EYS: variants seen among roughly 807,000 people sequenced by gnomAD.
EYS encodes protein eyes shut homolog.
EYS carries 250 observed loss-of-function variants against 282.1 expected under a neutral mutation model. The observed-to-expected ratio is 0.89, with a 90% CI of 0.80 to 0.98. The LOEUF is 0.98. Among genes scored for constraint, EYS ranks in the 50% least tolerant of loss-of-function variants. The pLI is 0.00. For synonymous variants in EYS, 1,355 were observed against 1,282.9 expected, an observed-to-expected ratio of 1.06 and a Z score of -1.20; for missense variants, 4,016 against 3,709.0, an observed-to-expected ratio of 1.08 and a Z score of -2.15.
chr6:63,921,251 G>A (rs1283654508), intron 35 of EYS, among the ~76,000 whole-genome samples: 2 of 152,196 alleles, frequency 1.3e-5, no homozygotes, highest in East Asian at 3.9e-4. Flanking sequence ...CTGTGTGACT[G>A]TGGAGGGCAC....
intron 37 of EYS, among the ~76,000 whole-genome samples, chr6:63,789,657 C>A (rs1303979025): frequency 1.3e-5 from 2 of 152,186 alleles, no homozygotes; most frequent in Non-Finnish European, 2.9e-5. Flanking sequence ...GGATAAAGAC[C>A]AATTTATTCC....
intron 35 of EYS, among the ~76,000 whole-genome samples, chr6:63,932,931 C>T (rs1158485920): frequency 6.6e-6 from 1 of 152,254 alleles, no homozygotes; most frequent in African/African-American, 2.4e-5. Flanking sequence ...GACCAATTGG[C>T]TATAAATCAG....
chr6:64,815,862 CA>C (rs1375924555), intron 21 of EYS, among the ~76,000 whole-genome samples: 1 of 151,944 alleles, frequency 6.6e-6, no homozygotes, highest in African/African-American at 2.4e-5. Context: ...AGGAACAGGG[CA>C]GTGATATATT....
intron 19 of EYS, among the ~76,000 whole-genome samples, chr6:64,843,188 G>A (rs758767174): frequency 2.4e-4 from 36 of 152,260 alleles, no homozygotes; most frequent in Middle Eastern, 3.4e-3. Flanking sequence ...CAGTGACAGC[G>A]CCCTCAGAGA....
At chr6:64,554,551 C>T (rs1011185190) in intron 26 of EYS, among the ~76,000 whole-genome samples, 1 of 151,860 alleles carries the variant, frequency 6.6e-6, no homozygotes, top group Non-Finnish European at 1.5e-5. Context: ...GAAACATAAA[C>T]ATAAATGGAA....
chr6:63,878,051 C>CTCTG (rs1263929732), intron 35 of EYS, among the ~76,000 whole-genome samples: 1 of 152,204 alleles, frequency 6.6e-6, no homozygotes, highest in Non-Finnish European at 1.5e-5. Flanking sequence ...AGAAGAGGCA[C>CTCTG]TCTGACTTTT....
intron 31 of EYS, among the ~76,000 whole-genome samples, chr6:64,095,738 C>A (rs1200717858): frequency 1.3e-5 from 2 of 152,260 alleles, no homozygotes; most frequent in Non-Finnish European, 2.9e-5. Context: ...TTAATTGGAG[C>A]ATTTAGCCTA....
chr6:63,829,263 G>T (rs1771557758), intron 36 of EYS, among the ~76,000 whole-genome samples: 1 of 152,176 alleles, frequency 6.6e-6, no homozygotes, highest in African/African-American at 2.4e-5. Context: ...GCAAGGTGGG[G>T]TATCACCTCA....
At chr6:64,261,789 T>G (rs1247473207) in intron 30 of EYS, among the ~76,000 whole-genome samples, 2 of 15,340 alleles carry the variant, frequency 1.3e-4, no homozygotes, top group Admixed American at 6.0e-4. Flanking sequence ...GTTATTTTGT[T>G]TTTTTTTTTT....
intron 31 of EYS, among the ~76,000 whole-genome samples, chr6:64,193,719 C>T (rs1325950354): frequency 1.3e-5 from 2 of 152,042 alleles, no homozygotes; most frequent in Non-Finnish European, 2.9e-5. Context: ...TCTCATTGTT[C>T]AGTTCCCACC....
chr6:64,909,625 C>A (rs755090879), intron 16 of EYS, among the ~76,000 whole-genome samples: 2 of 152,104 alleles, frequency 1.3e-5, no homozygotes, highest in South Asian at 4.2e-4. Flanking sequence ...AATTAATCAC[C>A]GCAGTTTTAG....
chr6:64,773,710 ATC>A (rs1773593643), intron 22 of EYS, among the ~76,000 whole-genome samples: 1 of 152,016 alleles, frequency 6.6e-6, no homozygotes, highest in Non-Finnish European at 1.5e-5. Context: ...TTTGATTTGC[ATC>A]TCTCTAATGA....
chr6:63,878,902 A>G (rs546055753), intron 35 of EYS, among the ~76,000 whole-genome samples: 2 of 152,258 alleles, frequency 1.3e-5, no homozygotes, highest in East Asian at 3.9e-4. Flanking sequence ...AGGAAAGGGA[A>G]TTCCCCGACT....
intron 13 of EYS, among the ~76,000 whole-genome samples, chr6:65,026,405 C>A (rs962420934): frequency 2.6e-5 from 4 of 152,022 alleles, no homozygotes; most frequent in African/African-American, 9.7e-5. Flanking sequence ...GAAGGAAATG[C>A]ATTCCAGGCC....
rs1331751344 is a variant in EYS, at chr6:63,726,524, T to G, written c.8228A>C (p.Gln2743Pro). The change falls in exon 42 of 43, where the codon CAA becomes CCA. Residue 2743 changes from glutamine (Q) to proline (P), a missense_variant. Transcript: ENST00000503581. Reference sequence around the variant, plus strand: ...AAACAGCCTGCCAATCTTACCTGATTGGGCTTTTAAGTGTTGTGCAGCATA... The same window carrying G: ...AAACAGCCTGCCAATCTTACCTGATGGGGCTTTTAAGTGTTGTGCAGCATA... Reference protein sequence around the residue: ...LFYAAQHLKAQSGDFLCISLV... With the variant: ...LFYAAQHLKAPSGDFLCISLV... The G allele has an allele frequency of 6.5e-7, 1 of 1,548,708 alleles. No homozygotes were observed. Among genetic ancestry groups the G allele is most frequent in the Non-Finnish European group, 8.7e-7 (1 of 1,145,754 alleles).
chr6:63,887,435 C>G (rs1773291663), intron 35 of EYS, among the ~76,000 whole-genome samples: 1 of 146,910 alleles, frequency 6.8e-6, no homozygotes, highest in African/African-American at 2.5e-5. Context: ...CCAGTGATTT[C>G]TGCATTTCCA....
intron 31 of EYS, among the ~76,000 whole-genome samples, chr6:64,207,364 C>T (rs1464697993): frequency 9.2e-5 from 14 of 152,002 alleles, no homozygotes; most frequent in Admixed American, 5.2e-4. Context: ...GGCTCCAGAA[C>T]GAGGAGCCCA....
chr6:65,474,151 T>C (rs1765315644), intron 5 of EYS, among the ~76,000 whole-genome samples: 2 of 152,210 alleles, frequency 1.3e-5, no homozygotes, highest in Admixed American at 6.5e-5. Context: ...GCAAAGCTGA[T>C]ATAAGGTGAC....
At chr6:65,260,872 T>A (rs1582074815) in intron 12 of EYS, among the ~76,000 whole-genome samples, 1 of 152,096 alleles carries the variant, frequency 6.6e-6, no homozygotes, top group Non-Finnish European at 1.5e-5. Context: ...TAGAAAGAGA[T>A]CACTACCTTT....
Sources: gnomAD v4.1 joint callset for allele counts (sites outside exome capture counted in the v4.1 genomes callset) on GRCh38, gnomAD v4.1.1 for gene constraint, MANE v1.5 for transcripts, NCBI Gene and HGNC (gene_info 2026-07-23, HGNC 2026-07-21) for gene names.